The following PRKAR2A variants were observed in gnomAD, a reference collection of about 807,000 sequenced individuals.
PRKAR2A encodes cAMP-dependent protein kinase type II-alpha regulatory subunit.
In PRKAR2A, 29 loss-of-function variants were observed where a neutral mutation model predicts 51.9. That is an observed-to-expected ratio of 0.56 (90% CI 0.42 to 0.76). The LOEUF is 0.76. Among genes scored for constraint, PRKAR2A ranks in the 30% least tolerant of loss-of-function variants. The pLI is 0.00. For synonymous variants in PRKAR2A, 178 were observed against 186.2 expected (o/e 0.96, Z 0.36); for missense variants, 445 against 512.1 (o/e 0.87, Z 1.26).
At chr3:48,779,409 C>A (rs543514770) in intron 5 of PRKAR2A, among the ~76,000 whole-genome samples, 24 of 152,180 alleles carry the variant, frequency 1.6e-4, no homozygotes, top group African/African-American at 5.3e-4. Flanking sequence ...CCCAATGGGA[C>A]CTCTGTCTTG....
intron 1 of PRKAR2A, among the ~76,000 whole-genome samples, chr3:48,816,976 G>A (rs1038163253): frequency 6.6e-6 from 1 of 152,130 alleles, no homozygotes; most frequent in Non-Finnish European, 1.5e-5. Flanking sequence ...GAGCCCAGGA[G>A]TTCAAGACCA....
chr3:48,755,608 CCTT>C (rs980952160), intron 9 of PRKAR2A, among the ~76,000 whole-genome samples: 5 of 150,084 alleles, frequency 3.3e-5, no homozygotes, highest in African/African-American at 1.2e-4. Flanking sequence ...TATTTTCTTT[CCTT>C]TTTTTTTTTT....
Position 48,765,336 on chromosome 3 carries a change from A to G in PRKAR2A, c.710T>C (p.Phe237Ser), listed in dbSNP as rs2081925584. ...ATTATTTTTCACTATGATTCTTCTA[A>G]AAGTCACCCGGTCCTACAAGAAAGA... ...GSLWGLDRVT[F>S]RRIIVKNNAK... Residue 237 changes from phenylalanine (F) to serine (S), a missense_variant, in exon 7 of 11, where the codon TTT (phenylalanine) becomes TCT (serine). Physicochemically the swap from Phe to Ser is radical, Grantham distance 155 (BLOSUM62 -2). Coordinates refer to ENST00000265563, the MANE Select transcript of PRKAR2A (RefSeq NM_004157.4). 2 of 1,607,644 alleles carry G rather than the reference A, an allele frequency of 1.2e-6. No homozygotes were observed. Among genetic ancestry groups the G allele is most frequent in the Admixed American group, 3.4e-5 (2 of 59,058 alleles).
At chr3:48,802,934 G>A (rs578042405) in intron 2 of PRKAR2A, among the ~76,000 whole-genome samples, 1 of 152,310 alleles carries the variant, frequency 6.6e-6, no homozygotes, top group East Asian at 1.9e-4. Flanking sequence ...ATGGGATCTC[G>A]CACAGGTGGA....
intron 1 of PRKAR2A, among the ~76,000 whole-genome samples, chr3:48,838,916 G>A (rs374300798): frequency 1.3e-5 from 2 of 149,920 alleles, no homozygotes; most frequent in Admixed American, 6.6e-5. Context: ...CCTGGGAGGT[G>A]GAGCTTGCAG....
At chr3:48,824,764 T>C (rs183352884) in intron 1 of PRKAR2A, among the ~76,000 whole-genome samples, 30 of 151,526 alleles carry the variant, frequency 2.0e-4, no homozygotes, top group African/African-American at 6.8e-4. Context: ...CTGGCCAACA[T>C]GTGAAACCCT....
At chr3:48,756,279 A>G in intron 9 of PRKAR2A, 100 bp downstream of exon 9, 2 of 1,054,584 alleles carry the variant, frequency 1.9e-6, no homozygotes, top group East Asian at 2.4e-5. Flanking sequence ...CACACCTCAC[A>G]TAACAATGAT....
At chr3:48,764,459 A>C (rs999719435) in intron 8 of PRKAR2A, among the ~76,000 whole-genome samples, 1 of 152,202 alleles carries the variant, frequency 6.6e-6, no homozygotes. Flanking sequence ...AGAAAATGAC[A>C]TCAAAAGAAC....
chr3:48,803,514 T>A (rs2082624029), intron 2 of PRKAR2A, among the ~76,000 whole-genome samples: 1 of 152,174 alleles, frequency 6.6e-6, no homozygotes, highest in Non-Finnish European at 1.5e-5. Flanking sequence ...AACCTCCGCT[T>A]CCCAGGTTCA....
At chr3:48,837,057 G>A (rs2083298611) in intron 1 of PRKAR2A, among the ~76,000 whole-genome samples, 1 of 152,068 alleles carries the variant, frequency 6.6e-6, no homozygotes, top group African/African-American at 2.4e-5. Context: ...GAGCCTGCAA[G>A]GGTTAGGCTG....
rs544286263 is a variant in PRKAR2A at position 48,791,346 on chromosome 3, C to T, written c.352-719G>A. ...GCGTGGTGGCGCACGCCTGTAATCC[C>T]AGCACTTTGGTAGGCTGAGGCAGGC... is the stretch of plus-strand genomic sequence containing the variant. On this transcript the variant is annotated intron_variant, in intron 3 of 10. Transcript: ENST00000265563. Among the ~76,000 whole-genome samples the T allele has an allele frequency of 1.5e-4, 22 of 148,278 alleles. No homozygotes were observed. In the South Asian group the frequency reaches 4.5e-3, roughly 30 times the overall value.
intron 3 of PRKAR2A, 140 bp downstream of exon 3, chr3:48,793,857 A>G (rs1051246381): frequency 3.8e-6 from 3 of 784,228 alleles, no homozygotes; most frequent in African/African-American, 1.8e-5. Flanking sequence ...GCAACTTTCA[A>G]TTTGTTAGAT....
intron 1 of PRKAR2A, among the ~76,000 whole-genome samples, chr3:48,814,255 T>TA (rs879276206): frequency 5.2e-4 from 74 of 141,722 alleles, no homozygotes; most frequent in African/African-American, 1.1e-3. Context: ...TCAAAAAGAT[T>TA]AAAAAAAAAA....
chr3:48,772,095 T>G (rs1430577494), intron 6 of PRKAR2A, among the ~76,000 whole-genome samples: 1 of 152,224 alleles, frequency 6.6e-6, no homozygotes. Context: ...ATAGTCTGCC[T>G]TCTTCTTTCC....
intron 9 of PRKAR2A, among the ~76,000 whole-genome samples, chr3:48,753,314 A>G (rs1237250854): frequency 6.6e-6 from 1 of 152,014 alleles, no homozygotes. Context: ...TAACAAATCC[A>G]ACTGCTAACC....
intron 2 of PRKAR2A, 78 bp from the exon 3 acceptor site, chr3:48,794,127 A>T: frequency 9.3e-7 from 1 of 1,080,008 alleles, no homozygotes; most frequent in Admixed American, 2.6e-5. Context: ...AGTGAACTCA[A>T]TTTTCTTTTA....
At chr3:48,839,866 T>G (rs1003906957) in intron 1 of PRKAR2A, among the ~76,000 whole-genome samples, 6 of 152,184 alleles carry the variant, frequency 3.9e-5, no homozygotes, top group African/African-American at 1.4e-4. Flanking sequence ...TTTTAAATTG[T>G]GGTAAGATGT....
chr3:48,772,929 C>T lies in PRKAR2A; in HGVS notation c.696+26G>A, dbSNP rs201762368. On this transcript the variant is annotated intron_variant, in intron 6 of 10. Transcript: ENST00000265563. ...GAAAGGGAATTAATACTGTGCCTTG[C>T]AAGGGGAACGATTTCTCTCACTCAC... 24 of 1,604,464 alleles carry T rather than the reference C, an allele frequency of 1.5e-5. No homozygotes were observed. In the East Asian group the frequency reaches 5.1e-4, roughly 34 times the overall value.
chr3:48,824,565 GAAAGAAAGA>G (rs2083027151), intron 1 of PRKAR2A, among the ~76,000 whole-genome samples: 1 of 138,092 alleles, frequency 7.2e-6, no homozygotes, highest in African/African-American at 3.3e-5. Flanking sequence ...AAGAAAGAAA[GAAAGAAAGA>G]AAGAAAGAAA....
Sources: allele counts gnomAD v4.1 joint callset (sites outside exome capture counted in the v4.1 genomes callset), GRCh38; gene constraint gnomAD v4.1.1; transcripts MANE v1.5; gene names NCBI Gene and HGNC (gene_info 2026-07-23, HGNC 2026-07-21).